The following SYNPR variants were observed in gnomAD, a reference collection of about 807,000 sequenced individuals.
SYNPR encodes synaptoporin.
In SYNPR, 23 loss-of-function variants were observed where a neutral mutation model predicts 32.9. The observed-to-expected ratio is 0.70, with a 90% CI of 0.50 to 0.99. The LOEUF (loss-of-function observed/expected upper bound fraction) is 0.99, where lower values mean the gene tolerates loss of function less well. Among genes scored for constraint, SYNPR ranks in the 50% least tolerant of loss-of-function variants. The pLI is 0.00. For missense variants in SYNPR, 318 were observed against 349.3 expected, an observed-to-expected ratio of 0.91 and a Z score of 0.71; for synonymous variants, 146 against 135.9, an observed-to-expected ratio of 1.07 and a Z score of -0.52.
intron 1 of SYNPR, among the ~76,000 whole-genome samples, chr3:63,233,103 ACTTTGGGC>A (rs2086177900): frequency 6.6e-6 from 1 of 152,194 alleles, no homozygotes; most frequent in Non-Finnish European, 1.5e-5. Flanking sequence ...TGGTTCAAAG[ACTTTGGGC>A]CTTGGAACTA....
chr3:63,370,384 TTTCA>T (rs1332777347), intron 2 of SYNPR, among the ~76,000 whole-genome samples: 1 of 152,232 alleles, frequency 6.6e-6, no homozygotes, highest in Non-Finnish European at 1.5e-5. Flanking sequence ...TATTTAATCC[TTTCA>T]TTGTTTCTTA....
chr3:63,260,018 G>T (rs566303344), intron 2 of SYNPR, among the ~76,000 whole-genome samples: 1 of 152,128 alleles, frequency 6.6e-6, no homozygotes, highest in African/African-American at 2.4e-5. Context: ...TACAAGGGAC[G>T]CGAAGGACCT....
intron 3 of SYNPR, among the ~76,000 whole-genome samples, chr3:63,548,345 C>T (rs1702446350): frequency 6.6e-6 from 1 of 151,984 alleles, no homozygotes; most frequent in Non-Finnish European, 1.5e-5. Flanking sequence ...GATAGCTGAG[C>T]TCCAACTTCC....
intron 2 of SYNPR, among the ~76,000 whole-genome samples, chr3:63,465,500 T>C (rs1382515228): frequency 6.6e-6 from 1 of 152,022 alleles, no homozygotes; most frequent in East Asian, 1.9e-4. Flanking sequence ...TATTCACTTA[T>C]AGATTGCTTA....
intron 2 of SYNPR, among the ~76,000 whole-genome samples, chr3:63,317,855 T>G (rs932283972): frequency 1.3e-5 from 2 of 152,032 alleles, no homozygotes; most frequent in Non-Finnish European, 2.9e-5. Context: ...AAGTCCTGTG[T>G]GATTTATGCT....
intron 4 of SYNPR, among the ~76,000 whole-genome samples, chr3:63,583,812 T>A (rs1260600679): frequency 2.0e-5 from 3 of 152,104 alleles, no homozygotes; most frequent in Non-Finnish European, 2.9e-5. Flanking sequence ...CCCATAGGTG[T>A]GAGTGGTGGT....
intron 2 of SYNPR, among the ~76,000 whole-genome samples, chr3:63,464,813 T>C (rs181943767): frequency 1.3e-5 from 2 of 152,322 alleles, no homozygotes; most frequent in Admixed American, 6.5e-5. Flanking sequence ...TCTGACAGTA[T>C]TTTAACCTTG....
At chr3:63,398,435 T>C (rs2088245252) in intron 2 of SYNPR, among the ~76,000 whole-genome samples, 1 of 152,160 alleles carries the variant, frequency 6.6e-6, no homozygotes, top group South Asian at 2.1e-4. Flanking sequence ...AACAGTGTAC[T>C]TTTGGCCAGG....
At chr3:63,533,025 T>C (rs1441670990) in intron 3 of SYNPR, among the ~76,000 whole-genome samples, 1 of 152,182 alleles carries the variant, frequency 6.6e-6, no homozygotes, top group Non-Finnish European at 1.5e-5. Flanking sequence ...TGTGTTCCCA[T>C]TGCACTTGAC....
chr3:63,366,285 A>AT (rs765903863), intron 2 of SYNPR, among the ~76,000 whole-genome samples: 14 of 152,222 alleles, frequency 9.2e-5, no homozygotes, highest in Admixed American at 2.0e-4. Flanking sequence ...TAAAATGCTA[A>AT]TTTTCTCTTG....
intron 2 of SYNPR, among the ~76,000 whole-genome samples, chr3:63,359,582 T>C (rs1173059172): frequency 6.6e-6 from 1 of 152,218 alleles, no homozygotes; most frequent in East Asian, 1.9e-4. Flanking sequence ...CTCCTGCCTT[T>C]TCTTGCCACT....
chr3:63,353,781 C>T (rs2087540372), intron 2 of SYNPR, among the ~76,000 whole-genome samples: 4 of 152,188 alleles, frequency 2.6e-5, no homozygotes, highest in Admixed American at 2.6e-4. Flanking sequence ...GATAAGATTC[C>T]ATGCACAGAC....
chr3:63,452,373 T>C (rs1488066629), intron 2 of SYNPR, among the ~76,000 whole-genome samples: 1 of 152,218 alleles, frequency 6.6e-6, no homozygotes, highest in East Asian at 1.9e-4. Flanking sequence ...GTACTAATTA[T>C]GTGACAGGCA....
At position 63,278,480 on chromosome 3, in the gene SYNPR, G is replaced by T. The variant is rs1343219256; in HGVS notation, c.-54G>T. 6.5e-7 allele frequency: 1 copy of T among 1,532,774 alleles called. No individual in the cohort carries two copies. The highest frequency in any genetic ancestry group is 1.2e-5 in the South Asian group (1 of 81,100). 94.9% of individuals were successfully genotyped at this position (1,532,774 alleles called of 1,614,324 possible). On this transcript the variant is annotated 5_prime_UTR_variant, in exon 1 of 6. Coordinates refer to ENST00000478300, the MANE Select transcript of SYNPR (RefSeq NM_001130003.2). The stretch of plus-strand genomic sequence containing the variant: ...GGCCCTGAGGACGGTGGTGCCAAGC[G>T]AACTTCATTTTTAAAAAGAACTGGT...
the SYNPR span, chr3:63,203,068 G>GTGTATATATATATATATATATATA: frequency 3.6e-4 from 39 of 108,526 alleles, no homozygotes; most frequent in African/African-American, 1.5e-3. Flanking sequence ...ATATGTATGT[G>GTGTATATATATATATATATATATA]TATATATATA....
chr3:63,279,104 G>A lies in SYNPR; in HGVS notation c.84+362G>A, dbSNP rs532405819. Reference sequence around the variant, plus strand: ...TCTGGCCCCTCACCTGGACCTTCGTGGGGATGAGGGGATGGGTGGAGGGAC... The same window carrying A: ...TCTGGCCCCTCACCTGGACCTTCGTAGGGATGAGGGGATGGGTGGAGGGAC... On this transcript the variant is annotated intron_variant, in intron 2 of 5. Transcript: ENST00000478300. Among the ~76,000 whole-genome samples the A allele has an allele frequency of 1.2e-4, 18 of 152,238 alleles. No individual in the cohort carries two copies. The East Asian group carries it at 1.8e-3, about 15-fold the overall frequency.
At chr3:63,487,727 T>A (rs1455728889) in intron 3 of SYNPR, among the ~76,000 whole-genome samples, 1 of 152,188 alleles carries the variant, frequency 6.6e-6, no homozygotes, top group Non-Finnish European at 1.5e-5. Flanking sequence ...TAAAAAAATT[T>A]AACTAATGGG....
chr3:63,403,228 T>C (rs931151583), intron 2 of SYNPR, among the ~76,000 whole-genome samples: 2 of 152,110 alleles, frequency 1.3e-5, no homozygotes, highest in Non-Finnish European at 2.9e-5. Flanking sequence ...AAAAGTGTTA[T>C]CAGTTCCTAG....
intron 4 of SYNPR, among the ~76,000 whole-genome samples, chr3:63,601,652 T>C (rs1480828229): frequency 1.3e-5 from 2 of 152,334 alleles, no homozygotes; most frequent in Admixed American, 6.5e-5. Context: ...TCCAGCTCCA[T>C]CTATGTTGCT....
Sources: allele counts gnomAD v4.1 joint callset (sites outside exome capture counted in the v4.1 genomes callset), GRCh38; gene constraint gnomAD v4.1.1; transcripts MANE v1.5; gene names NCBI Gene and HGNC (gene_info 2026-07-23, HGNC 2026-07-21).